The following EPB41L4A variants were observed in gnomAD, a reference collection of about 807,000 sequenced individuals.
The protein encoded by EPB41L4A is band 4.1-like protein 4A.
A neutral mutation model predicts 108.6 loss-of-function variants in EPB41L4A; 100 were observed. The ratio of observed to expected loss-of-function variants is 0.92; its 90% CI spans 0.78 to 1.09. EPB41L4A has a LOEUF of 1.09. Among genes scored for constraint, EPB41L4A ranks in the 50% least tolerant of loss-of-function variants. EPB41L4A has a pLI of 0.00. For missense variants in EPB41L4A, 1,030 were observed against 842.7 expected (o/e 1.22, Z -2.75); for synonymous variants, 319 against 289.0 (o/e 1.10, Z -1.05).
At chr5:112,357,929 T>C (rs571978162) in intron 1 of EPB41L4A, among the ~76,000 whole-genome samples, 1 of 152,308 alleles carries the variant, frequency 6.6e-6, no homozygotes, top group Admixed American at 6.5e-5. Flanking sequence ...GTGAACAAAA[T>C]TACAAGGCTG....
chr5:112,341,250 A>C (rs960254872), intron 1 of EPB41L4A, among the ~76,000 whole-genome samples: 1 of 152,196 alleles, frequency 6.6e-6, no homozygotes, highest in Non-Finnish European at 1.5e-5. Context: ...TGTTGAATGA[A>C]TGCTTATCAA....
At chr5:112,167,502 G>T (rs1760322089) in intron 22 of EPB41L4A, among the ~76,000 whole-genome samples, 1 of 152,090 alleles carries the variant, frequency 6.6e-6, no homozygotes, top group Admixed American at 6.5e-5. Flanking sequence ...CTGCCGTGTA[G>T]CTCAAAACTG....
chr5:112,162,321 GT>G (rs1759957586), downstream of EPB41L4A: 1 of 152,202 alleles, frequency 6.6e-6, no homozygotes, highest in Non-Finnish European at 1.5e-5. Context: ...TGGCATTTGT[GT>G]TTTAAGTGAT....
intron 2 of EPB41L4A, among the ~76,000 whole-genome samples, chr5:112,296,312 T>C (rs1753981097): frequency 6.6e-6 from 1 of 152,166 alleles, no homozygotes; most frequent in Non-Finnish European, 1.5e-5. Flanking sequence ...GCATAATTAA[T>C]AACATTTTGG....
intron 1 of EPB41L4A, among the ~76,000 whole-genome samples, chr5:112,403,808 G>A (rs1258700024): frequency 5.9e-5 from 9 of 152,136 alleles, no homozygotes; most frequent in African/African-American, 1.7e-4. Context: ...AAGTGAACAA[G>A]GCTAAGTAAA....
intron 3 of EPB41L4A, among the ~76,000 whole-genome samples, chr5:112,279,141 T>C (rs1418252899): frequency 1.3e-5 from 2 of 150,796 alleles, no homozygotes; most frequent in Non-Finnish European, 2.9e-5. Context: ...TCGGTTCAAA[T>C]ATGCTAGAGC....
chr5:112,225,214 C>T (rs749609790), intron 12 of EPB41L4A, among the ~76,000 whole-genome samples: 2 of 152,186 alleles, frequency 1.3e-5, no homozygotes, highest in Non-Finnish European at 2.9e-5. Context: ...TCATTTAATC[C>T]AAAGACTCTA....
At chr5:112,158,010 C>A (rs748044657), downstream of EPB41L4A, among the ~76,000 whole-genome samples, 2 of 152,072 alleles carry the variant, frequency 1.3e-5, no homozygotes, top group Non-Finnish European at 2.9e-5. Context: ...GTTTTCTGTA[C>A]CAGGATTCAG....
chr5:112,359,775 C>A (rs1264818659), intron 1 of EPB41L4A, among the ~76,000 whole-genome samples: 1 of 152,118 alleles, frequency 6.6e-6, no homozygotes, highest in East Asian at 1.9e-4. Flanking sequence ...CTCCTGACCT[C>A]GTGATCCACC....
chr5:112,290,097 A>G (rs1050574088), intron 2 of EPB41L4A, among the ~76,000 whole-genome samples: 11 of 152,188 alleles, frequency 7.2e-5, no homozygotes, highest in Non-Finnish European at 1.6e-4. Flanking sequence ...TCAAGAAACC[A>G]GAGATGACTG....
At chr5:112,253,745 T>G (rs757699282) in intron 9 of EPB41L4A, among the ~76,000 whole-genome samples, 8 of 152,170 alleles carry the variant, frequency 5.3e-5, no homozygotes, top group Admixed American at 6.5e-5. Context: ...GGAAGTGAAG[T>G]AAAATGTTAA....
intron 17 of EPB41L4A, among the ~76,000 whole-genome samples, chr5:112,190,432 C>T (rs1055932103): frequency 2.0e-5 from 3 of 152,084 alleles, no homozygotes; most frequent in Non-Finnish European, 4.4e-5. Context: ...GGTTATGAAA[C>T]CCCCAGCACC....
intron 1 of EPB41L4A, among the ~76,000 whole-genome samples, chr5:112,386,401 T>C (rs1349071904): frequency 2.0e-5 from 3 of 152,242 alleles, no homozygotes; most frequent in East Asian, 3.8e-4. Flanking sequence ...GATTTCCATA[T>C]ATTTTAAAAG....
intron 17 of EPB41L4A, 66 bp downstream of exon 17, chr5:112,194,502 A>G: frequency 1.1e-6 from 1 of 908,984 alleles, no homozygotes; most frequent in Admixed American, 2.5e-5. Context: ...AAGGACACTC[A>G]GTTTCTACCA....
chr5:112,189,200 T>C (rs1470551914), intron 17 of EPB41L4A, among the ~76,000 whole-genome samples: 2 of 152,220 alleles, frequency 1.3e-5, no homozygotes, highest in Non-Finnish European at 2.9e-5. Context: ...CTGGTCCCCA[T>C]TTTACAGATC....
chr5:112,225,813 T>C (rs1406295428), intron 12 of EPB41L4A, among the ~76,000 whole-genome samples: 1 of 152,242 alleles, frequency 6.6e-6, no homozygotes, highest in Non-Finnish European at 1.5e-5. Context: ...TAACACATTC[T>C]TTCTTAGTCT....
intron 17 of EPB41L4A, among the ~76,000 whole-genome samples, chr5:112,193,367 T>A (rs891141329): frequency 2.6e-5 from 4 of 152,332 alleles, no homozygotes; most frequent in African/African-American, 7.2e-5. Context: ...AATGGCACAG[T>A]CTCGGCTCAC....
At chr5:112,308,523 T>C (rs1268367717) in intron 1 of EPB41L4A, among the ~76,000 whole-genome samples, 1 of 152,248 alleles carries the variant, frequency 6.6e-6, no homozygotes, top group African/African-American at 2.4e-5. Flanking sequence ...AAGTTCTTGT[T>C]ACAAATTCCA....
chr5:112,409,710 G>A (rs1442840380), intron 1 of EPB41L4A, among the ~76,000 whole-genome samples: 1 of 152,084 alleles, frequency 6.6e-6, no homozygotes, highest in Non-Finnish European at 1.5e-5. Flanking sequence ...CCATAAAAAA[G>A]ACCTAGTTCT....
Sources: gnomAD v4.1 joint callset for allele counts (sites outside exome capture counted in the v4.1 genomes callset) on GRCh38, gnomAD v4.1.1 for gene constraint, MANE v1.5 for transcripts, NCBI Gene and HGNC (gene_info 2026-07-23, HGNC 2026-07-21) for gene names.